Variants in LYZL1 observed in about 807,000 individuals in gnomAD.
The protein encoded by LYZL1 is lysozyme-like protein 1.
In LYZL1, 16 loss-of-function variants were observed where a neutral mutation model predicts 17.9. The ratio of observed to expected loss-of-function variants is 0.90; its 90% CI spans 0.61 to 1.36. The LOEUF (loss-of-function observed/expected upper bound fraction) is 1.36, where lower values mean the gene tolerates loss of function less well. Among genes scored for constraint, LYZL1 ranks in the 40% most tolerant of loss-of-function variants. The pLI is 0.00. For synonymous variants in LYZL1, 58 were observed against 71.8 expected (o/e 0.81, Z 0.97); for missense variants, 149 against 188.4 (o/e 0.79, Z 1.22).
chr10:29,315,743 G>A (rs1466282242), downstream of LYZL1, among the ~76,000 whole-genome samples: 1 of 151,740 alleles, frequency 6.6e-6, no homozygotes, highest in African/African-American at 2.4e-5. Context: ...CAGCTACTTG[G>A]GAGGCTGAGG....
intron 1 of LYZL1, among the ~76,000 whole-genome samples, chr10:29,290,705 G>C (rs1232495677): frequency 2.6e-5 from 4 of 152,002 alleles, no homozygotes; most frequent in Admixed American, 6.6e-5. Context: ...CAGGTGTGGT[G>C]GTGGGCGCCT....
intron 3 of LYZL1, among the ~76,000 whole-genome samples, chr10:29,316,687 T>C (rs1835735957): frequency 6.6e-6 from 1 of 151,076 alleles, no homozygotes; most frequent in African/African-American, 2.4e-5. Flanking sequence ...GTTTTTTTTT[T>C]CTTTTTCTTT....
At position 29,292,585 on chromosome 10, in the gene LYZL1, G is replaced by A. The variant is rs771672686; in HGVS notation, c.206G>A (p.Ser69Asn). ...GCCCAGACGGTCCTGGATGACGGCA[G>A]CATCGACTATGGCATCTTCCAGATC... The part of the protein sequence containing the change: ...TTAQTVLDDG[S>N]IDYGIFQINS... The change falls in exon 3 of 5, where the codon AGC (serine) becomes AAC (asparagine). Residue 69 changes from serine (S) to asparagine (N), a missense_variant. Around this residue, in one of 2 missense-constraint regions of LYZL1, gnomAD observed 130 missense variants for 132.5 expected, o/e 0.98. Transcript: ENST00000649382. The A allele has an allele frequency of 3.1e-6, 5 of 1,614,146 alleles. No individual in the cohort carries two copies. The highest frequency in any genetic ancestry group is 1.7e-5 in the Admixed American group (1 of 60,018).
downstream of LYZL1, among the ~76,000 whole-genome samples, chr10:29,312,672 C>T (rs1004241476): frequency 2.0e-5 from 3 of 152,092 alleles, no homozygotes; most frequent in South Asian, 4.1e-4. Flanking sequence ...GACCCCAAAG[C>T]GATATTCCCA....
downstream of LYZL1, among the ~76,000 whole-genome samples, chr10:29,315,248 G>A (rs1402917468): frequency 6.6e-6 from 1 of 152,082 alleles, no homozygotes; most frequent in Non-Finnish European, 1.5e-5. Flanking sequence ...AGTGGCTCAC[G>A]CCTGTAATCC....
At chr10:29,295,732 G>A (rs1303320236) in intron 3 of LYZL1, among the ~76,000 whole-genome samples, 1 of 152,202 alleles carries the variant, frequency 6.6e-6, no homozygotes, top group Non-Finnish European at 1.5e-5. Flanking sequence ...TGTGGTCAGA[G>A]AGAGCTCCAA....
intron 3 of LYZL1, among the ~76,000 whole-genome samples, chr10:29,307,003 T>A (rs531494857): frequency 6.6e-6 from 1 of 152,120 alleles, no homozygotes; most frequent in Non-Finnish European, 1.5e-5. Flanking sequence ...TACAGGTGCA[T>A]GCCACCACGC....
At chr10:29,299,916 G>T (rs1185561340) in intron 3 of LYZL1, among the ~76,000 whole-genome samples, 6 of 152,078 alleles carry the variant, frequency 3.9e-5, no homozygotes, top group African/African-American at 1.4e-4. Flanking sequence ...TAAACCATAG[G>T]TCAGCAAATG....
downstream of LYZL1, among the ~76,000 whole-genome samples, chr10:29,311,612 A>G (rs186623077): frequency 1.3e-5 from 2 of 152,260 alleles, no homozygotes; most frequent in East Asian, 3.9e-4. Context: ...AATTCTCATA[A>G]AAGTTCTCAG....
At chr10:29,289,759 G>T (rs114304134) in intron 1 of LYZL1, among the ~76,000 whole-genome samples, 1 of 152,076 alleles carries the variant, frequency 6.6e-6, no homozygotes, top group Non-Finnish European at 1.5e-5. Context: ...GTCCCTCACA[G>T]CTTAACACAG....
intron 3 of LYZL1, 72 bp from the exon 4 acceptor site, chr10:29,310,038 A>G: frequency 9.5e-7 from 1 of 1,051,836 alleles, no homozygotes; most frequent in African/African-American, 1.6e-5. Context: ...AGAAAAGTGA[A>G]GTAAAGTTGA....
chr10:29,313,809 A>G (rs1293918590), downstream of LYZL1, among the ~76,000 whole-genome samples: 1 of 152,202 alleles, frequency 6.6e-6, no homozygotes, highest in Non-Finnish European at 1.5e-5. Context: ...GACACTTGGA[A>G]GTAGATTTTC....
chr10:29,310,235 A>G (rs1267904478), intron 4 of LYZL1, 47 bp downstream of exon 4: 1 of 1,388,108 alleles, frequency 7.2e-7, no homozygotes, highest in Non-Finnish European at 1.0e-6. Flanking sequence ...GGCAAAACCT[A>G]GTGTGTGTAT....
intron 4 of LYZL1, among the ~76,000 whole-genome samples, chr10:29,310,717 G>C (rs1835659749): frequency 6.6e-6 from 1 of 152,170 alleles, no homozygotes; most frequent in South Asian, 2.1e-4. Context: ...CCCACTCAGA[G>C]AACCCGAATT....
At chr10:29,310,938 G>T (rs891771627) in intron 4 of LYZL1, 52 bp from the exon 5 acceptor site, 26 of 1,613,916 alleles carry the variant, frequency 1.6e-5, no homozygotes, top group Non-Finnish European at 2.0e-5. Flanking sequence ...AACTAAGACG[G>T]TTTGGATTGT....
intron 3 of LYZL1, among the ~76,000 whole-genome samples, chr10:29,301,226 T>G (rs1490224710): frequency 6.6e-6 from 1 of 152,234 alleles, no homozygotes; most frequent in Non-Finnish European, 1.5e-5. Flanking sequence ...TTTTGCCTGC[T>G]GCCATCCATC....
At chr10:29,291,765 G>A (rs1480073391) in intron 1 of LYZL1, 78 bp from the exon 2 acceptor site, 3 of 1,483,310 alleles carry the variant, frequency 2.0e-6, no homozygotes, top group Non-Finnish European at 2.8e-6. Context: ...TCTAGGCAGG[G>A]CTGTGCACAG....
rs188615816 is a variant in LYZL1, at chr10:29,304,167, A to G, written c.299-5943A>G. On this transcript the variant is annotated intron_variant, in intron 3 of 4. Transcript: ENST00000649382. ...ACTATTTGGACAGAAAATTGATGCTATATTCATATATACAAAGCATACATA... is the reference window on the plus strand; with the variant it reads ...ACTATTTGGACAGAAAATTGATGCTGTATTCATATATACAAAGCATACATA... Among the ~76,000 whole-genome samples the G allele has an allele frequency of 1.2e-4, 18 of 152,328 alleles. No homozygotes were observed. In the East Asian group the frequency reaches 3.3e-3, roughly 28 times the overall value.
chr10:29,306,839 TGA>T (rs146929957), intron 3 of LYZL1, among the ~76,000 whole-genome samples: 5,266 of 138,652 alleles, frequency 0.038, 118 homozygotes, highest in Non-Finnish European at 0.051. Flanking sequence ...TGAAAGAGAT[TGA>T]GAGAGAGAGA....
Sources: allele counts gnomAD v4.1 joint callset (sites outside exome capture counted in the v4.1 genomes callset), GRCh38; gene constraint gnomAD v4.1.1; regional missense constraint gnomAD v4.1.1; transcripts MANE v1.5; gene names NCBI Gene and HGNC (gene_info 2026-07-23, HGNC 2026-07-21).